Variants in MARCHF8 observed in about 807,000 individuals in gnomAD.
MARCHF8 encodes the protein E3 ubiquitin-protein ligase MARCHF8.
In MARCHF8, 40 loss-of-function variants were observed where a neutral mutation model predicts 51.6. That is an observed-to-expected ratio of 0.77 (90% CI 0.60 to 1.01). The LOEUF is 1.01. MARCHF8 is among the 50% of genes least tolerant of loss of function. MARCHF8 has a pLI of 0.00. For synonymous variants in MARCHF8, 263 were observed against 280.3 expected, an observed-to-expected ratio of 0.94 and a Z score of 0.62; for missense variants, 685 against 708.6, an observed-to-expected ratio of 0.97 and a Z score of 0.38.
chr10:45,457,999 G>C lies in MARCHF8; in HGVS notation c.*240C>G. 4.0e-6 allele frequency: 2 copies of C among 501,820 alleles called. No individual in the cohort carries two copies. Among genetic ancestry groups the C allele is most frequent in the Non-Finnish European group, 6.9e-6 (2 of 288,952 alleles). The allele number at this position is 501,820 out of a possible 1,614,324, so 31.1% of individuals were successfully genotyped here. On this transcript the variant is annotated 3_prime_UTR_variant, in exon 8 of 8. Transcript: ENST00000453424. ...AGGAACTCTGCTGGCTCCCCATGAT[G>C]TCATCATGGGGTCTTCCACTTTCCC...
At chr10:45,501,276 GAACT>G (rs942908229) in intron 2 of MARCHF8, among the ~76,000 whole-genome samples, 1 of 151,928 alleles carries the variant, frequency 6.6e-6, no homozygotes, top group African/African-American at 2.4e-5. Context: ...CCAATTTCAA[GAACT>G]AATATACAGC....
intron 1 of MARCHF8, among the ~76,000 whole-genome samples, chr10:45,549,695 G>T (rs2044172466): frequency 6.6e-6 from 1 of 152,222 alleles, no homozygotes; most frequent in Non-Finnish European, 1.5e-5. Flanking sequence ...AGCCATGAGG[G>T]CTCTGCCCTC....
At chr10:45,472,293 T>C (rs1425806176) in intron 3 of MARCHF8, among the ~76,000 whole-genome samples, 2 of 152,222 alleles carry the variant, frequency 1.3e-5, no homozygotes, top group African/African-American at 2.4e-5. Context: ...TCAAGGTTTA[T>C]AAGAAGATGT....
chr10:45,481,340 G>A (rs1314463267), intron 3 of MARCHF8, among the ~76,000 whole-genome samples: 1 of 152,162 alleles, frequency 6.6e-6, no homozygotes, highest in African/African-American at 2.4e-5. Context: ...TTAAGACTTT[G>A]GGGGACTGTT....
intron 3 of MARCHF8, among the ~76,000 whole-genome samples, chr10:45,473,311 A>G (rs1397934434): frequency 1.3e-5 from 2 of 152,212 alleles, no homozygotes; most frequent in Non-Finnish European, 2.9e-5. Context: ...CTACCCAGGA[A>G]TATTTGATTA....
chr10:45,525,139 T>C (rs1368045162), intron 2 of MARCHF8, among the ~76,000 whole-genome samples: 1 of 152,188 alleles, frequency 6.6e-6, no homozygotes, highest in African/African-American at 2.4e-5. Flanking sequence ...TTTCAAAAGA[T>C]GTTAGGTACA....
intron 2 of MARCHF8, among the ~76,000 whole-genome samples, chr10:45,515,364 C>G (rs2043600718): frequency 6.6e-6 from 1 of 152,180 alleles, no homozygotes; most frequent in Admixed American, 6.5e-5. Flanking sequence ...CTGTAAACAT[C>G]TCAAGCTTTT....
intron 1 of MARCHF8, among the ~76,000 whole-genome samples, chr10:45,589,059 T>A (rs934201579): frequency 6.6e-6 from 1 of 151,672 alleles, no homozygotes; most frequent in Admixed American, 6.6e-5. Flanking sequence ...TCACCATAGT[T>A]TTCCAGAAAA....
chr10:45,580,915 G>A (rs2044548604), intron 1 of MARCHF8, among the ~76,000 whole-genome samples: 1 of 152,070 alleles, frequency 6.6e-6, no homozygotes, highest in African/African-American at 2.4e-5. Flanking sequence ...CCTACCCAGG[G>A]CCACACCTGA....
intron 3 of MARCHF8, among the ~76,000 whole-genome samples, chr10:45,465,049 T>C (rs1168727991): frequency 1.3e-5 from 2 of 151,804 alleles, no homozygotes; most frequent in African/African-American, 4.8e-5. Flanking sequence ...TAGTCAAACT[T>C]AGAGAAAAAA....
In MARCHF8 at chr10:45,498,497, G is replaced by A. The variant is rs538538593; in HGVS notation, c.103-9080C>T. 2.3e-5 allele frequency among the ~76,000 whole-genome samples: 3 copies of A among 128,598 alleles called. No homozygotes were observed. In the East Asian group the frequency reaches 6.3e-4, roughly 27 times the overall value. 84.4% of individuals were successfully genotyped at this position (128,598 alleles called of 152,430 possible). On this transcript the variant is annotated intron_variant, in intron 2 of 7. Coordinates refer to ENST00000453424, the MANE Select transcript of MARCHF8 (RefSeq NM_001282866.2). ...ATGTGTCAGAAGCCTTTTTTTTTTT[G>A]AGAAGTCTCGCTCTGTCACCCAGGC...
At chr10:45,464,176 C>T in intron 4 of MARCHF8, 63 bp downstream of exon 4, 2 of 1,581,066 alleles carry the variant, frequency 1.3e-6, no homozygotes, top group South Asian at 1.1e-5. Context: ...CAAGAACCTA[C>T]AGACACTAAT....
At chr10:45,568,904 T>TA (rs2044397151) in intron 1 of MARCHF8, among the ~76,000 whole-genome samples, 1 of 149,208 alleles carries the variant, frequency 6.7e-6, no homozygotes, top group Non-Finnish European at 1.5e-5. Context: ...CTGTCTCTAC[T>TA]AAAAATACAA....
At chr10:45,521,598 T>C (rs2043707212) in intron 2 of MARCHF8, among the ~76,000 whole-genome samples, 1 of 152,160 alleles carries the variant, frequency 6.6e-6, no homozygotes, top group Non-Finnish European at 1.5e-5. Flanking sequence ...TTACATAAGA[T>C]AACAAAAAAT....
rs919996606 is a variant in MARCHF8, at chr10:45,455,087, C to G, written c.*3152G>C. 2.0e-5 allele frequency: 3 copies of G among 152,284 alleles called. No individual in the cohort carries two copies. Among genetic ancestry groups the G allele is most frequent in the African/African-American group, 7.2e-5 (3 of 41,470 alleles). The allele number at this position is 152,284 out of a possible 1,614,324, so 9.4% of individuals were successfully genotyped here. On this transcript the variant is annotated 3_prime_UTR_variant, in exon 8 of 8. Transcript: ENST00000453424. Reference sequence around the variant, plus strand: ...AGCCCTTCTCCAACCCTGAAGCCCACAGCAGGGGTGCAGAGGCAGCCCCAG... The same window carrying G: ...AGCCCTTCTCCAACCCTGAAGCCCAGAGCAGGGGTGCAGAGGCAGCCCCAG...
At chr10:45,479,107 C>T (rs978103426) in intron 3 of MARCHF8, among the ~76,000 whole-genome samples, 9 of 152,118 alleles carry the variant, frequency 5.9e-5, no homozygotes, top group African/African-American at 1.2e-4. Context: ...TAACAAAATA[C>T]GAATAAAGCA....
chr10:45,516,621 G>A (rs781204446), intron 2 of MARCHF8, among the ~76,000 whole-genome samples: 12 of 152,150 alleles, frequency 7.9e-5, no homozygotes, highest in Admixed American at 1.3e-4. Flanking sequence ...AAAATAAGCT[G>A]GGCGTGGTGG....
At chr10:45,486,187 G>A (rs2133068163) in intron 3 of MARCHF8, among the ~76,000 whole-genome samples, 1 of 152,282 alleles carries the variant, frequency 6.6e-6, no homozygotes, top group Middle Eastern at 3.4e-3. Flanking sequence ...ACTCCACTCA[G>A]ATACTCTCCA....
chr10:45,464,052 A>C, intron 4 of MARCHF8, 56 bp from the exon 5 acceptor site: 1 of 1,502,892 alleles, frequency 6.7e-7, no homozygotes, highest in East Asian at 2.5e-5. Context: ...TTTAAAAGAG[A>C]ATAGACATCA....
Sources: gnomAD v4.1 joint callset for allele counts (sites outside exome capture counted in the v4.1 genomes callset) on GRCh38, gnomAD v4.1.1 for gene constraint, MANE v1.5 for transcripts, NCBI Gene and HGNC (gene_info 2026-07-23, HGNC 2026-07-21) for gene names.